Variants in WDFY4 observed in about 807,000 individuals in gnomAD.
WDFY4 encodes the protein WD repeat- and FYVE domain-containing protein 4.
Under a neutral mutation model 351.9 loss-of-function variants are expected in WDFY4, and 169 were observed. The ratio of observed to expected loss-of-function variants is 0.48; its 90% CI spans 0.42 to 0.55. The LOEUF is 0.55. Among genes scored for constraint, WDFY4 ranks in the 20% least tolerant of loss-of-function variants. The probability of loss-of-function intolerance (pLI) is 0.00; values close to 1 mark genes in which losing one functional copy is unlikely to be tolerated. For missense variants in WDFY4, 3,803 were observed against 3,935.6 expected, an observed-to-expected ratio of 0.97 and a Z score of 0.90; for synonymous variants, 1,622 against 1,574.6, an observed-to-expected ratio of 1.03 and a Z score of -0.71.
At position 48,684,917 on chromosome 10, in the gene WDFY4, C is replaced by T. The variant is rs2063001473; in HGVS notation, c.-102C>T. On this transcript the variant is annotated 5_prime_UTR_variant, in exon 1 of 62. Coordinates refer to ENST00000325239, the MANE Select transcript of WDFY4 (RefSeq NM_001394531.1). ...GACTGACGATGTGGGGCCGGGTCCT[C>T]TTCCCCCGAGCCTGAGGGGCTGCAG... 1 of 152,424 alleles carries T rather than the reference C, an allele frequency of 6.6e-6. No homozygotes were observed. The highest frequency in any genetic ancestry group is 1.5e-5 in the Non-Finnish European group (1 of 68,194). 9.4% of individuals were successfully genotyped at this position (152,424 alleles called of 1,614,324 possible). A position where few individuals can be genotyped will look rare whatever the true frequency, so the allele number is the denominator to read the frequency against.
In WDFY4 at chr10:48,817,390, TC is replaced by T; in HGVS notation, c.5491del (p.Leu1831TrpfsTer44). 6.5e-7 allele frequency: 1 copy of T among 1,550,264 alleles called. No homozygotes were observed. ...EFLQTLAIAA[F>X]PLGAQKGVGA... ...CTCCAGACCTTGGCCATAGCCGCCT[TC>T]CCCCTGGGAGCCCAAAAGGTAGGAC... On this transcript the variant is annotated frameshift_variant, in exon 32 of 62. Coordinates refer to ENST00000325239, the MANE Select transcript of WDFY4 (RefSeq NM_001394531.1). LOFTEE classifies it high-confidence loss of function.
At chr10:48,851,022 A>C (rs1052582101) in intron 39 of WDFY4, among the ~76,000 whole-genome samples, 2 of 152,226 alleles carry the variant, frequency 1.3e-5, no homozygotes, top group African/African-American at 4.8e-5. Flanking sequence ...TCTCCTTTTA[A>C]AATCTTGATA....
At chr10:48,771,939 C>A (rs2065878171) in intron 13 of WDFY4, among the ~76,000 whole-genome samples, 2 of 152,156 alleles carry the variant, frequency 1.3e-5, no homozygotes, top group African/African-American at 4.8e-5. Flanking sequence ...AGACCCTAGT[C>A]CTCCTTAGAA....
intron 43 of WDFY4, among the ~76,000 whole-genome samples, chr10:48,881,754 C>T (rs1746118889): frequency 6.6e-6 from 1 of 152,112 alleles, no homozygotes; most frequent in Admixed American, 6.5e-5. Flanking sequence ...CTCTCTGTGG[C>T]CTGGCACTTC....
chr10:48,811,669 C>A lies in WDFY4; in HGVS notation c.5175C>A (p.Phe1725Leu). 6.4e-7 allele frequency: 1 copy of A among 1,551,840 alleles called. No individual in the cohort carries two copies. ...TCTACCTCATCGTCTCCACCTTCTT[C>A]CTGCAGACACCACTCACAGAGCTGA... ...PEVYLIVSTF[F>L]LQTPLTELMD... The change falls in exon 30 of 62, where the codon TTC becomes TTA. Residue 1725 changes from phenylalanine (F) to leucine (L), a missense_variant. This residue lies in a region of WDFY4 where 3,054 missense variants were observed against 3,148.6 expected (regional missense o/e 0.97). Transcript: ENST00000325239.
chr10:48,828,923 T>TGTGTGGGGGGGGGGGG (rs763409844), intron 37 of WDFY4, 27 bp downstream of exon 37: 1 of 4,978 alleles, frequency 2.0e-4, no homozygotes, highest in African/African-American at 1.5e-3. Flanking sequence ...ATTGTGTGTG[T>TGTGTGGGGGGGGGGGG]GGGCGGGGGG....
chr10:48,780,218 G>A (rs1045830406), intron 19 of WDFY4, 99 bp downstream of exon 19: 167 of 1,413,414 alleles, frequency 1.2e-4, no homozygotes, highest in Admixed American at 9.9e-4. Flanking sequence ...GTTGTTGTTT[G>A]TTTGTTTGTT....
intron 24 of WDFY4, among the ~76,000 whole-genome samples, chr10:48,797,884 G>A (rs1332508920): frequency 1.3e-5 from 2 of 152,204 alleles, no homozygotes; most frequent in Non-Finnish European, 2.9e-5. Context: ...ACTGTAGAAT[G>A]ATATGTGAGA....
At chr10:48,699,971 C>G (rs1277663004) in intron 1 of WDFY4, among the ~76,000 whole-genome samples, 1 of 152,172 alleles carries the variant, frequency 6.6e-6, no homozygotes, top group Non-Finnish European at 1.5e-5. Context: ...TGAGACCCAC[C>G]CCAGACTTAC....
At chr10:48,811,806 C>A (rs1326798124) in intron 30 of WDFY4, 98 bp downstream of exon 30, 2 of 1,266,728 alleles carry the variant, frequency 1.6e-6, no homozygotes, top group Non-Finnish European at 2.2e-6. Context: ...CCTCCCTCTG[C>A]TTCTTCCAGC....
chr10:48,953,540 T>C (rs1206671459), intron 51 of WDFY4, among the ~76,000 whole-genome samples: 1 of 152,216 alleles, frequency 6.6e-6, no homozygotes, highest in Non-Finnish European at 1.5e-5. Context: ...GCCTCTTTGA[T>C]TGGCTAAAGA....
rs17836383 is a variant in WDFY4, at chr10:48,697,599, C to T, written c.-17-12117C>T. ...ACTTTTTGGAGTCAGATGCACATCTCGTTGGGTTATCTCCAGGGTCCCGCC... is the reference window on the plus strand; with the variant it reads ...ACTTTTTGGAGTCAGATGCACATCTTGTTGGGTTATCTCCAGGGTCCCGCC... On this transcript the variant is annotated intron_variant, in intron 1 of 61. Transcript: ENST00000325239. 1.5e-3 allele frequency among the ~76,000 whole-genome samples: 224 copies of T among 152,318 alleles called. 4 individuals are homozygous for T. In the East Asian group the frequency reaches 0.032, roughly 22 times the overall value.
At chr10:48,706,929 A>C (rs2063646946) in intron 1 of WDFY4, among the ~76,000 whole-genome samples, 1 of 152,236 alleles carries the variant, frequency 6.6e-6, no homozygotes, top group Admixed American at 6.5e-5. Context: ...GAGGATCTTA[A>C]GTGATGTGGA....
Position 48,901,850 on chromosome 10 carries a change from A to C in WDFY4, c.7573A>C (p.Thr2525Pro), listed in dbSNP as rs35423873. Residue 2525 changes from threonine (T) to proline (P), a missense_variant, in exon 47 of 62, where the codon ACC becomes CCC. Physicochemically the swap from Thr to Pro is conservative, Grantham distance 38 (BLOSUM62 -1). Coordinates refer to ENST00000325239, the MANE Select transcript of WDFY4 (RefSeq NM_001394531.1). ...GAAGGGGAAAGCCACCTCGGAGGAC[A>C]CCCTCAGTCTAAGGTAATGGCGGGT... ...SLKGKATSEDTLSLRRYPGSD... is the reference protein window; with the variant it reads ...SLKGKATSEDPLSLRRYPGSD... 0.13 allele frequency: 198,302 copies of C among 1,551,076 alleles called. 13,702 individuals are homozygous for C. Among genetic ancestry groups the C allele is most frequent in the Middle Eastern group, 0.21 (1,229 of 5,984 alleles).
At chr10:48,910,265 A>G (rs1254435032) in intron 47 of WDFY4, 1 of 1,546,830 alleles carries the variant, frequency 6.5e-7, no homozygotes, top group Non-Finnish European at 8.8e-7. Context: ...TATTCTGGGG[A>G]TGGAGACACA....
At chr10:48,775,943 T>C in intron 15 of WDFY4, 137 bp downstream of exon 15, 1 of 776,022 alleles carries the variant, frequency 1.3e-6, no homozygotes, top group Non-Finnish European at 2.1e-6. Flanking sequence ...ATGCAGCAAC[T>C]GAGGAAAAAG....
At chr10:48,799,772 T>TCAAA (rs749005558) in intron 24 of WDFY4, among the ~76,000 whole-genome samples, 130 of 152,326 alleles carry the variant, frequency 8.5e-4, no homozygotes, top group Non-Finnish European at 1.4e-3. Context: ...AGACTTCGTC[T>TCAAA]CAAACAAACA....
intron 10 of WDFY4, among the ~76,000 whole-genome samples, 170 bp from the exon 11 acceptor site, chr10:48,735,710 C>T (rs1280539892): frequency 2.6e-5 from 4 of 151,986 alleles, no homozygotes; most frequent in East Asian, 1.9e-4. Flanking sequence ...TTCTGCTTCT[C>T]ACTTTAACAG....
At chr10:48,718,382 T>G (rs1384991112) in intron 2 of WDFY4, among the ~76,000 whole-genome samples, 2 of 152,238 alleles carry the variant, frequency 1.3e-5, no homozygotes, top group Admixed American at 6.5e-5. Context: ...ACAAGCATAA[T>G]GCTACAGCAA....
Sources: allele counts gnomAD v4.1 joint callset (sites outside exome capture counted in the v4.1 genomes callset), GRCh38; gene constraint gnomAD v4.1.1; regional missense constraint gnomAD v4.1.1; transcripts MANE v1.5; gene names NCBI Gene and HGNC (gene_info 2026-07-23, HGNC 2026-07-21).